Variants in NLGN4Y observed in about 807,000 individuals in gnomAD.
NLGN4Y encodes neuroligin-4, Y-linked.
Under a neutral mutation model 8.4 loss-of-function variants are expected in NLGN4Y, and 4 were observed. The ratio of observed to expected loss-of-function variants is 0.48; its 90% CI spans 0.23 to 1.09. The LOEUF is 1.09. NLGN4Y is among the 50% of genes least tolerant of loss of function. The pLI, the probability that NLGN4Y is intolerant of heterozygous loss-of-function variation, is 0.19. For synonymous variants in NLGN4Y, 35 were observed against 75.6 expected (o/e 0.46, Z 2.78); for missense variants, 90 against 192.3 (o/e 0.47, Z 3.15).
At chrY:14,627,533 C>T in intron 2 of NLGN4Y, among the ~76,000 whole-genome samples, 1 of 34,983 alleles carries the variant, frequency 2.9e-5, no homozygotes, top group South Asian at 6.1e-4. Context: ...TGCTCCTGGC[C>T]CGAGTGCTAA....
chrY:14,597,298 G>A, intron 1 of NLGN4Y, among the ~76,000 whole-genome samples: 1 of 32,653 alleles, frequency 3.1e-5, no homozygotes, highest in African/African-American at 1.2e-4. Context: ...AAGATTTATT[G>A]CAAAGAGCGA....
At chrY:14,584,322 A>AT (rs2080330390) in intron 1 of NLGN4Y, among the ~76,000 whole-genome samples, 1 of 32,140 alleles carries the variant, frequency 3.1e-5, no homozygotes, top group Non-Finnish European at 7.5e-5. Flanking sequence ...GAAACAAGGT[A>AT]TTGCCATGTT....
chrY:14,657,189 A>T, intron 2 of NLGN4Y, among the ~76,000 whole-genome samples: 4 of 32,700 alleles, frequency 1.2e-4, no homozygotes, highest in Non-Finnish European at 3.0e-4. Context: ...TATACATTTG[A>T]CACTATTAAT....
At chrY:14,714,339 A>C in intron 2 of NLGN4Y, among the ~76,000 whole-genome samples, 1 of 33,473 alleles carries the variant, frequency 3.0e-5, no homozygotes, top group Non-Finnish European at 7.4e-5. Context: ...GAAAGGATTA[A>C]AAAATTATGC....
chrY:14,686,018 G>C, intron 2 of NLGN4Y, among the ~76,000 whole-genome samples: 1 of 32,878 alleles, frequency 3.0e-5, no homozygotes, highest in Non-Finnish European at 7.5e-5. Context: ...ATTGGCTGCT[G>C]TGAAGGCTGG....
intron 1 of NLGN4Y, among the ~76,000 whole-genome samples, chrY:14,561,647 C>T (rs758661068): frequency 3.0e-5 from 1 of 33,580 alleles, no homozygotes; most frequent in South Asian, 6.7e-4. Flanking sequence ...AATCACCACA[C>T]CCTCTTCCGC....
intron 4 of NLGN4Y, among the ~76,000 whole-genome samples, chrY:14,810,185 A>T: frequency 3.0e-5 from 1 of 33,450 alleles, no homozygotes; most frequent in Non-Finnish European, 7.4e-5. Context: ...AACCAAAAGG[A>T]TGTGACAGCC....
At chrY:14,574,111 G>T in intron 1 of NLGN4Y, among the ~76,000 whole-genome samples, 1 of 33,260 alleles carries the variant, frequency 3.0e-5, no homozygotes, top group Non-Finnish European at 7.4e-5. Flanking sequence ...TATCTATTAG[G>T]TCCACTTGGT....
At chrY:14,576,551 G>A (rs2080300037) in intron 1 of NLGN4Y, among the ~76,000 whole-genome samples, 1 of 32,969 alleles carries the variant, frequency 3.0e-5, no homozygotes, top group Non-Finnish European at 7.5e-5. Flanking sequence ...GTGAGGCGAT[G>A]CCTCACCCTG....
chrY:14,731,442 A>G, intron 4 of NLGN4Y, among the ~76,000 whole-genome samples: 1 of 32,735 alleles, frequency 3.1e-5, no homozygotes, highest in African/African-American at 1.2e-4. Flanking sequence ...CCCTTTTCTC[A>G]CCATTCTTGC....
chrY:14,553,566 C>CTG (rs557062506), intron 1 of NLGN4Y, among the ~76,000 whole-genome samples: 1,776 of 21,692 alleles, frequency 0.082, no homozygotes, highest in Middle Eastern at 0.27. Context: ...GGTACCAAAA[C>CTG]TGTGTGTGTG....
chrY:14,564,405 C>T, intron 1 of NLGN4Y, among the ~76,000 whole-genome samples: 1 of 33,373 alleles, frequency 3.0e-5, no homozygotes, highest in Non-Finnish European at 7.4e-5. Context: ...AGAACAGCAG[C>T]AATCTGAGAT....
chrY:14,636,754 A>G, intron 2 of NLGN4Y, among the ~76,000 whole-genome samples: 1 of 33,027 alleles, frequency 3.0e-5, no homozygotes, highest in South Asian at 6.8e-4. Context: ...TCTTCCAAGT[A>G]GAAGGAGCTT....
intron 2 of NLGN4Y, among the ~76,000 whole-genome samples, chrY:14,633,432 A>G: frequency 3.0e-5 from 1 of 33,447 alleles, no homozygotes; most frequent in African/African-American, 1.2e-4. Context: ...GGTTCAAGAG[A>G]TTCTCCTGCC....
At chrY:14,627,924 A>T in intron 2 of NLGN4Y, among the ~76,000 whole-genome samples, 2 of 33,736 alleles carry the variant, frequency 5.9e-5, no homozygotes. Flanking sequence ...GGTGGCTCAT[A>T]CCTCTAATCT....
At chrY:14,534,003 C>T (rs936183783) in intron 1 of NLGN4Y, among the ~76,000 whole-genome samples, 1 of 33,305 alleles carries the variant, frequency 3.0e-5, no homozygotes, top group Non-Finnish European at 7.4e-5. Context: ...CACTGATGGT[C>T]ATTTAGTTTG....
intron 2 of NLGN4Y, among the ~76,000 whole-genome samples, chrY:14,672,397 C>T (rs2080714515): frequency 5.3e-4 from 16 of 30,001 alleles, no homozygotes; most frequent in African/African-American, 2.1e-3. Context: ...TGGTGGCGGG[C>T]ACCTGTAGTC....
intron 1 of NLGN4Y, among the ~76,000 whole-genome samples, chrY:14,602,775 A>G (rs959504770): frequency 3.0e-5 from 1 of 33,462 alleles, no homozygotes; most frequent in South Asian, 6.7e-4. Flanking sequence ...CCAGCAAACT[A>G]ATGCAGGGAC....
chrY:14,590,076 G>A, intron 1 of NLGN4Y, among the ~76,000 whole-genome samples: 1 of 34,466 alleles, frequency 2.9e-5, no homozygotes, highest in East Asian at 8.0e-4. Context: ...CGGCTGCTCC[G>A]AGTGCGGGGC....
Sources: allele counts gnomAD v4.1 joint callset (sites outside exome capture counted in the v4.1 genomes callset), GRCh38; gene constraint gnomAD v4.1.1; transcripts MANE v1.5; gene names NCBI Gene and HGNC (gene_info 2026-07-23, HGNC 2026-07-21).